Variants in FOXP1 observed in about 807,000 individuals in gnomAD.
FOXP1 encodes forkhead box P1, also known as forkhead box protein P1.
Under a neutral mutation model 98.2 loss-of-function variants are expected in FOXP1, and 15 were observed. That is an observed-to-expected ratio of 0.15 (90% CI 0.10 to 0.24). The LOEUF is 0.24. Ranked by LOEUF, FOXP1 falls within the 10% of genes least tolerant of loss-of-function variation. The probability of loss-of-function intolerance (pLI) is 1.00; values close to 1 mark genes in which losing one functional copy is unlikely to be tolerated. For missense variants in FOXP1, 633 were observed against 848.5 expected (o/e 0.75, Z 3.15); for synonymous variants, 371 against 314.5 (o/e 1.18, Z -1.90).
intron 4 of FOXP1, among the ~76,000 whole-genome samples, chr3:71,354,700 A>G (rs2078037135): frequency 6.6e-6 from 1 of 152,250 alleles, no homozygotes; most frequent in South Asian, 2.1e-4. Flanking sequence ...AAAGCAGAAG[A>G]TGAGTTTTAT....
intron 7 of FOXP1, among the ~76,000 whole-genome samples, chr3:71,097,273 T>G (rs1036740551): frequency 1.3e-5 from 2 of 152,248 alleles, no homozygotes; most frequent in African/African-American, 4.8e-5. Flanking sequence ...GTGAAAATTA[T>G]GTGAAATTTA....
At chr3:71,015,309 T>C (rs2107737459) in intron 12 of FOXP1, among the ~76,000 whole-genome samples, 1 of 152,018 alleles carries the variant, frequency 6.6e-6, no homozygotes, top group African/African-American at 2.4e-5. Flanking sequence ...GAAAAATGGG[T>C]AAATATGGGC....
At chr3:70,977,805 G>A (rs2037889033) in intron 15 of FOXP1, 23 bp downstream of exon 15, 2 of 1,612,532 alleles carry the variant, frequency 1.2e-6, no homozygotes, top group South Asian at 1.1e-5. Context: ...AACTCTACGT[G>A]AGGCAAAAGG....
intron 3 of FOXP1, among the ~76,000 whole-genome samples, chr3:71,429,055 G>T (rs554150470): frequency 6.6e-6 from 1 of 152,168 alleles, no homozygotes; most frequent in Admixed American, 6.5e-5. Flanking sequence ...TATTACAGCC[G>T]GCAAGCACGA....
intron 1 of FOXP1, chr3:71,582,221 G>T (rs1342849707): frequency 2.0e-6 from 2 of 985,300 alleles, no homozygotes; most frequent in Non-Finnish European, 2.4e-6. Context: ...AGGTGGGGAG[G>T]GGGGCTCGTC....
At chr3:71,527,646 C>T (rs1349807356) in intron 2 of FOXP1, among the ~76,000 whole-genome samples, 1 of 152,200 alleles carries the variant, frequency 6.6e-6, no homozygotes, top group Non-Finnish European at 1.5e-5. Flanking sequence ...ATCTGGTCAC[C>T]TGCTCCTTAC....
intron 4 of FOXP1, among the ~76,000 whole-genome samples, chr3:71,306,719 A>C (rs1320806332): frequency 6.6e-6 from 1 of 152,084 alleles, no homozygotes; most frequent in Non-Finnish European, 1.5e-5. Flanking sequence ...AGTTTTCCAA[A>C]AATATATCCC....
intron 11 of FOXP1, among the ~76,000 whole-genome samples, chr3:71,032,427 T>C (rs76906682): frequency 0.022 from 3,305 of 152,356 alleles, 98 homozygotes; most frequent in African/African-American, 0.069. Context: ...ATCTTCTTTA[T>C]TCACACAGGC....
chr3:71,396,946 A>ATGTG (rs1388196089), intron 3 of FOXP1, among the ~76,000 whole-genome samples: 12 of 70,916 alleles, frequency 1.7e-4, no homozygotes, highest in Admixed American at 5.4e-4. Flanking sequence ...ACATATATAT[A>ATGTG]TGTGTATATA....
At position 71,533,406 on chromosome 3, in the gene FOXP1, A is replaced by G. The variant is rs561839938; in HGVS notation, c.-297-39851T>C. On this transcript the variant is annotated intron_variant, in intron 2 of 20. Transcript: ENST00000649528. Reference sequence around the variant, plus strand: ...TTTTGTCTTCCTTATGATATTCTTAATAACATTTCATTTCCTCTAGCTTAC... The same window carrying G: ...TTTTGTCTTCCTTATGATATTCTTAGTAACATTTCATTTCCTCTAGCTTAC... Among the ~76,000 whole-genome samples, 5 of 152,360 alleles carry G rather than the reference A, an allele frequency of 3.3e-5. No homozygotes were observed. The South Asian group carries it at 1.0e-3, about 32-fold the overall frequency.
intron 2 of FOXP1, among the ~76,000 whole-genome samples, chr3:71,540,068 T>A (rs2044666601): frequency 6.6e-6 from 1 of 152,244 alleles, no homozygotes; most frequent in African/African-American, 2.4e-5. Context: ...CCCTTAAATA[T>A]TCATTTCTTC....
Position 71,383,128 on chromosome 3 carries a change from C to A in FOXP1, c.-167-23884G>T, listed in dbSNP as rs375279865. Among the ~76,000 whole-genome samples the A allele has an allele frequency of 1.1e-4, 17 of 152,286 alleles. No individual in the cohort carries two copies. The East Asian group carries it at 2.3e-3, about 21-fold the overall frequency. On this transcript the variant is annotated intron_variant, in intron 3 of 20. Coordinates refer to ENST00000649528, the MANE Select transcript of FOXP1 (RefSeq NM_001349338.3). ...ATGTTCCTCATCTAATTATGAGATA[C>A]CCATGCTGGCTGACATTATTATGGT...
chr3:71,191,253 T>C (rs2062962630), intron 6 of FOXP1, among the ~76,000 whole-genome samples: 1 of 152,350 alleles, frequency 6.6e-6, no homozygotes, highest in East Asian at 1.9e-4. Context: ...AAACAAACTC[T>C]TGGCAATCAC....
At chr3:71,039,790 T>C (rs935905568) in intron 11 of FOXP1, among the ~76,000 whole-genome samples, 1 of 149,544 alleles carries the variant, frequency 6.7e-6, no homozygotes, top group African/African-American at 2.5e-5. Flanking sequence ...TCATAAGAGA[T>C]TGTAAAGCAA....
chr3:71,429,540 G>A (rs2108376380), intron 3 of FOXP1, among the ~76,000 whole-genome samples: 1 of 152,008 alleles, frequency 6.6e-6, no homozygotes, highest in East Asian at 1.9e-4. Flanking sequence ...ATGTCTGGGT[G>A]GCAGAAAATA....
chr3:70,967,149 A>G (rs774066188), intron 19 of FOXP1, among the ~76,000 whole-genome samples: 16 of 152,222 alleles, frequency 1.1e-4, no homozygotes, highest in Non-Finnish European at 1.9e-4. Context: ...TTTTCACAAG[A>G]TGATCTGGCA....
At chr3:71,489,228 C>T (rs955009894) in intron 3 of FOXP1, among the ~76,000 whole-genome samples, 7 of 152,174 alleles carry the variant, frequency 4.6e-5, no homozygotes, top group East Asian at 1.9e-4. Flanking sequence ...ATGCATTTCC[C>T]TTGTTTTTGT....
chr3:71,146,898 G>T (rs1017684454), intron 6 of FOXP1, among the ~76,000 whole-genome samples: 1 of 152,202 alleles, frequency 6.6e-6, no homozygotes, highest in Non-Finnish European at 1.5e-5. Flanking sequence ...ACAGCGCGGG[G>T]AACAATGTTA....
intron 5 of FOXP1, among the ~76,000 whole-genome samples, chr3:71,245,990 C>A (rs1222809770): frequency 8.2e-6 from 1 of 122,610 alleles, no homozygotes; most frequent in East Asian, 2.4e-4. Flanking sequence ...TCACTTAGTA[C>A]GAAAACCACC....
Sources: gnomAD v4.1 joint callset for allele counts (sites outside exome capture counted in the v4.1 genomes callset) on GRCh38, gnomAD v4.1.1 for gene constraint, MANE v1.5 for transcripts, NCBI Gene and HGNC (gene_info 2026-07-23, HGNC 2026-07-21) for gene names.